The following COL1A2 variants were observed in gnomAD, a reference collection of about 807,000 sequenced individuals.
COL1A2 encodes collagen type I alpha 2 chain, also known as collagen alpha-2(I) chain.
COL1A2 carries 49 observed loss-of-function variants against 174.3 expected under a neutral mutation model. The observed-to-expected ratio is 0.28, with a 90% CI of 0.22 to 0.36. COL1A2 has a LOEUF of 0.36. Among genes scored for constraint, COL1A2 ranks in the 10% least tolerant of loss-of-function variants. COL1A2 has a pLI of 1.00. For missense variants in COL1A2, 1,438 were observed against 1,822.7 expected, an observed-to-expected ratio of 0.79 and a Z score of 3.84; for synonymous variants, 655 against 606.6, an observed-to-expected ratio of 1.08 and a Z score of -1.17.
At chr7:94,404,981 C>A in intron 9 of COL1A2, 89 bp downstream of exon 9, 7 of 1,455,686 alleles carry the variant, frequency 4.8e-6, no homozygotes, top group South Asian at 1.2e-5. Flanking sequence ...AGTATTCTGC[C>A]AAAAGCTGAA....
At position 94,398,373 on chromosome 7, in the gene COL1A2, C is replaced by G; in HGVS notation, c.82-9C>G. 2.2e-6 allele frequency: 2 copies of G among 907,082 alleles called. No homozygotes were observed. The highest frequency in any genetic ancestry group is 3.2e-6 in the Non-Finnish European group (2 of 617,882). The allele number at this position is 907,082 out of a possible 1,614,324, so 56.2% of individuals were successfully genotyped here. A position where few individuals can be genotyped will look rare whatever the true frequency, so the allele number is the denominator to read the frequency against. On this transcript the variant is annotated splice_polypyrimidine_tract_variant and intron_variant, in intron 2 of 51. Transcript: ENST00000297268. ...TCTTCATAATAATCTTTGATTTATT[C>G]TTTTCTAGGAAACTGTAAGAAAGGT...
At chr7:94,426,906 A>G (rs1395990571) in intron 46 of COL1A2, 102 bp from the exon 47 acceptor site, 3 of 967,918 alleles carry the variant, frequency 3.1e-6, no homozygotes, top group Non-Finnish European at 4.9e-6. Flanking sequence ...CTCAATCCGG[A>G]GTCCATTTAA....
rs1791780960 is a variant in COL1A2, at chr7:94,405,706, C to T, written c.520C>T (p.Pro174Ser). ...TGGTTTCCCTGGAACTCCTGGACTTCCTGGCTTCAAAGGCATTAGGGTGAG... is the reference window on the plus strand; with the variant it reads ...TGGTTTCCCTGGAACTCCTGGACTTTCTGGCTTCAAAGGCATTAGGGTGAG... The part of the protein sequence containing the change: ...ARGFPGTPGL[P>S]GFKGIRGHNG... Residue 174 changes from proline (P) to serine (S), a missense_variant, in exon 11 of 52, where the codon CCT (proline) becomes TCT (serine). By Grantham distance (74) the Pro-to-Ser change is moderately conservative. Coordinates refer to ENST00000297268, the MANE Select transcript of COL1A2 (RefSeq NM_000089.4). 1 of 1,613,630 alleles carries T rather than the reference C, an allele frequency of 6.2e-7. No homozygotes were observed. The highest frequency in any genetic ancestry group is 1.1e-5 in the South Asian group (1 of 91,072).
chr7:94,412,015 T>A lies in COL1A2; in HGVS notation c.1351-53T>A. ...TGTTAGACTTCAGTTAATCTAAGGCTTGAGTATGTAAGTTAAAGTGCCAAT... is the reference window on the plus strand; with the variant it reads ...TGTTAGACTTCAGTTAATCTAAGGCATGAGTATGTAAGTTAAAGTGCCAAT... On this transcript the variant is annotated intron_variant, in intron 23 of 51. Transcript: ENST00000297268. The A allele has an allele frequency of 3.4e-6, 5 of 1,474,176 alleles. No homozygotes were observed. The East Asian group carries it at 1.2e-4, about 34-fold the overall frequency. The allele number at this position is 1,474,176 out of a possible 1,614,324, so 91.3% of individuals were successfully genotyped here. A position where few individuals can be genotyped will look rare whatever the true frequency, so the allele number is the denominator to read the frequency against.
At chr7:94,411,251 G>C in intron 23 of COL1A2, 97 bp downstream of exon 23, 1 of 1,019,756 alleles carries the variant, frequency 9.8e-7, no homozygotes, top group Non-Finnish European at 1.5e-6. Flanking sequence ...AACATCAAAA[G>C]TAAATTTGTT....
chr7:94,429,320 G>A lies in COL1A2; in HGVS notation c.3844G>A (p.Glu1282Lys), dbSNP rs769050067. The change falls in exon 51 of 52, where the codon GAG becomes AAG. Residue 1282 changes from glutamate to lysine, a missense_variant. Around this residue, in one of 3 missense-constraint regions of COL1A2, gnomAD observed 290 missense variants for 298.1 expected, o/e 0.97. Transcript: ENST00000297268. The part of the protein sequence containing the change: ...CKNSIAYMDE[E>K]TGNLKKAVIL... Reference sequence around the variant, plus strand: ...GAACAGCATTGCATACATGGATGAGGAGACTGGCAACCTGAAAAAGGCTGT... The same window carrying A: ...GAACAGCATTGCATACATGGATGAGAAGACTGGCAACCTGAAAAAGGCTGT... 3 of 1,614,078 alleles carry A rather than the reference G, an allele frequency of 1.9e-6. No individual in the cohort carries two copies. The Admixed American group carries it at 5.0e-5, about 27-fold the overall frequency.
intron 26 of COL1A2, among the ~76,000 whole-genome samples, 155 bp from the exon 27 acceptor site, chr7:94,413,535 G>A (rs1220119356): frequency 1.3e-5 from 2 of 152,206 alleles, no homozygotes; most frequent in Non-Finnish European, 2.9e-5. Flanking sequence ...TAAAAAGTTA[G>A]TAGGCAGTAT....
chr7:94,422,059 G>A (rs1473102109), intron 39 of COL1A2, 107 bp downstream of exon 39: 10 of 874,754 alleles, frequency 1.1e-5, no homozygotes, highest in East Asian at 5.2e-5. Context: ...ACTAATATTC[G>A]CTATTACTCT....
chr7:94,414,024 T>G, intron 28 of COL1A2, 77 bp downstream of exon 28: 1 of 1,415,760 alleles, frequency 7.1e-7, no homozygotes, highest in Admixed American at 1.7e-5. Context: ...GTACCTCTCT[T>G]CTCCACCACA....
intron 12 of COL1A2, 51 bp from the exon 13 acceptor site, chr7:94,407,796 A>C (rs370702227): frequency 6.4e-7 from 1 of 1,560,600 alleles, no homozygotes; most frequent in Non-Finnish European, 8.8e-7. Context: ...CACTATCAGG[A>C]AAAATAATTG....
In COL1A2 at chr7:94,408,394, CTG is replaced by C; in HGVS notation, c.738+15_738+16del. The stretch of plus-strand genomic sequence containing the variant: ...GTGGGTCCTGCTGTAAGTTTTGACA[CTG>C]GGGAGTTTGAAAGGAGTTGAGAATG... On this transcript the variant is annotated intron_variant, in intron 15 of 51. Transcript: ENST00000297268. The C allele has an allele frequency of 6.2e-7, 1 of 1,614,000 alleles. No homozygotes were observed.
chr7:94,396,507 C>G (rs1791587887), intron 1 of COL1A2, among the ~76,000 whole-genome samples: 1 of 152,082 alleles, frequency 6.6e-6, no homozygotes, highest in Non-Finnish European at 1.5e-5. Flanking sequence ...AAAATGAAGG[C>G]AGACTTAGGG....
Position 94,410,409 on chromosome 7 carries a change from T to C in COL1A2, c.1090-11T>C, listed in dbSNP as rs1791897598. The C allele has an allele frequency of 1.3e-6, 2 of 1,553,608 alleles. No individual in the cohort carries two copies. The highest frequency in any genetic ancestry group is 1.7e-6 in the Non-Finnish European group (2 of 1,148,258). The stretch of plus-strand genomic sequence containing the variant: ...TTTACTCCCTCTTCTTTTGTTCTTT[T>C]CATTAAACAGGGCTCTGCTGGGCCC... On this transcript the variant is annotated splice_polypyrimidine_tract_variant and intron_variant, in intron 20 of 51. Transcript: ENST00000297268.
chr7:94,397,446 C>T (rs1471168553), intron 1 of COL1A2, among the ~76,000 whole-genome samples: 27 of 152,076 alleles, frequency 1.8e-4, no homozygotes, highest in African/African-American at 6.5e-4. Context: ...AATTGCTAAG[C>T]ATTCAAAATA....
rs1791905082 is a variant in COL1A2 at position 94,410,806 on chromosome 7, G to A, written c.1198-83G>A. On this transcript the variant is annotated intron_variant, in intron 21 of 51. Coordinates refer to ENST00000297268, the MANE Select transcript of COL1A2 (RefSeq NM_000089.4). ...TGTGTCTGTATCTCCCCTGTAAGGA[G>A]ATCATGCTATTTTTTACAAACTCTA... 4 of 1,451,712 alleles carry A rather than the reference G, an allele frequency of 2.8e-6. No homozygotes were observed. The African/African-American group carries it at 5.6e-5, about 20-fold the overall frequency. The allele number at this position is 1,451,712 out of a possible 1,614,324, so 89.9% of individuals were successfully genotyped here.
intron 37 of COL1A2, 134 bp downstream of exon 37, chr7:94,420,782 A>C (rs758336662): frequency 2.2e-5 from 21 of 943,232 alleles, no homozygotes; most frequent in Non-Finnish European, 3.4e-5. Context: ...AAGGATTAAC[A>C]TTTGCACACT....
intron 19 of COL1A2, 77 bp downstream of exon 19, chr7:94,409,898 A>C: frequency 7.2e-7 from 1 of 1,381,080 alleles, no homozygotes. Context: ...CTAGACTTCC[A>C]CTTGTAGTTT....
At chr7:94,408,658 A>G (rs1359543609) in intron 15 of COL1A2, 112 bp from the exon 16 acceptor site, 2 of 1,174,702 alleles carry the variant, frequency 1.7e-6, no homozygotes, top group African/African-American at 1.5e-5. Context: ...TTTTTTCTTT[A>G]CTAATATAAA....
At chr7:94,409,662 T>C (rs1326559514) in intron 18 of COL1A2, 54 bp downstream of exon 18, 10 of 1,613,674 alleles carry the variant, frequency 6.2e-6, no homozygotes, top group Non-Finnish European at 8.5e-6. Flanking sequence ...AGGCATTTAA[T>C]GTGTGCTGCC....
Sources: allele counts gnomAD v4.1 joint callset (sites outside exome capture counted in the v4.1 genomes callset), GRCh38; gene constraint gnomAD v4.1.1; regional missense constraint gnomAD v4.1.1; transcripts MANE v1.5; gene names NCBI Gene and HGNC (gene_info 2026-07-23, HGNC 2026-07-21).